The following ATXN7L3B variants were observed in gnomAD, a reference collection of about 807,000 sequenced individuals.
ATXN7L3B encodes the protein ataxin-7-like protein 3B.
ATXN7L3B carries 4 observed loss-of-function variants against 6.3 expected under a neutral mutation model. The observed-to-expected ratio is 0.63, with a 90% CI of 0.31 to 1.45. ATXN7L3B has a LOEUF of 1.45. Among genes scored for constraint, ATXN7L3B ranks in the 40% most tolerant of loss-of-function variants. ATXN7L3B has a pLI of 0.07. For missense variants in ATXN7L3B, 120 were observed against 118.5 expected, an observed-to-expected ratio of 1.01 and a Z score of -0.06; for synonymous variants, 63 against 48.0, an observed-to-expected ratio of 1.31 and a Z score of -1.29.
chr12:74,544,039 T>C lies in ATXN7L3B; in HGVS notation c.*5633T>C, dbSNP rs986042035. 2 of 152,026 alleles carry C rather than the reference T, an allele frequency of 1.3e-5. No individual in the cohort carries two copies. Among genetic ancestry groups the C allele is most frequent in the Admixed American group, 6.5e-5 (1 of 15,272 alleles). 9.4% of individuals were successfully genotyped at this position (152,026 alleles called of 1,614,324 possible). On this transcript the variant is annotated 3_prime_UTR_variant, in exon 1 of 1. Transcript: ENST00000519948. ...GACATCTACATCTACATGGATAATT[T>C]TATAGAATCTACAAACATACCATTG... is the stretch of plus-strand genomic sequence containing the variant.
Position 74,539,367 on chromosome 12 carries a change from G to T in ATXN7L3B, c.*961G>T, listed in dbSNP as rs1868820331. The T allele has an allele frequency of 2.4e-5, 4 of 167,106 alleles. No individual in the cohort carries two copies. In the South Asian group the frequency reaches 8.3e-4, roughly 35 times the overall value. The allele number at this position is 167,106 out of a possible 1,614,324, so 10.4% of individuals were successfully genotyped here. A position where few individuals can be genotyped will look rare whatever the true frequency, so the allele number is the denominator to read the frequency against. On this transcript the variant is annotated 3_prime_UTR_variant, in exon 1 of 1. Coordinates refer to ENST00000519948, the MANE Select transcript of ATXN7L3B (RefSeq NM_001136262.2). ...CAGGTCACTATCTGCCTCCCACCCT[G>T]GGGGCAGGACTGAAGTATGGAAGAG...
rs919347799 is a variant in ATXN7L3B, at chr12:74,541,271, G to A, written c.*2865G>A. 2 of 166,938 alleles carry A rather than the reference G, an allele frequency of 1.2e-5. No homozygotes were observed. The highest frequency in any genetic ancestry group is 4.8e-5 in the African/African-American group (2 of 41,382). The allele number at this position is 166,938 out of a possible 1,614,324, so 10.3% of individuals were successfully genotyped here. ...ACTGCCTGGCATTATCGCATGCTGG[G>A]ATCATCGGGGGAGGGTAGTGAAGCT... is the stretch of plus-strand genomic sequence containing the variant. On this transcript the variant is annotated 3_prime_UTR_variant, in exon 1 of 1. Coordinates refer to ENST00000519948, the MANE Select transcript of ATXN7L3B (RefSeq NM_001136262.2).
In ATXN7L3B at chr12:74,541,215, A is replaced by T. The variant is rs1009359450; in HGVS notation, c.*2809A>T. On this transcript the variant is annotated 3_prime_UTR_variant, in exon 1 of 1. Coordinates refer to ENST00000519948, the MANE Select transcript of ATXN7L3B (RefSeq NM_001136262.2). The stretch of plus-strand genomic sequence containing the variant: ...TGGTTTGTGGCTTTTTCTTCCATAC[A>T]TTAGTTCCCACCATCGCATGCCCAG... The T allele has an allele frequency of 6.0e-6, 1 of 167,110 alleles. No homozygotes were observed. Among genetic ancestry groups the T allele is most frequent in the African/African-American group, 2.4e-5 (1 of 41,364 alleles). 10.4% of individuals were successfully genotyped at this position (167,110 alleles called of 1,614,324 possible). A position where few individuals can be genotyped will look rare whatever the true frequency, so the allele number is the denominator to read the frequency against.
rs1483014913 is a variant in ATXN7L3B, at chr12:74,545,323, A to C, written c.*6917A>C. ...GCTGTACAAATAAAATAGTAAACCT[A>C]TGTTCTTATACTTTGTTGCCTTTCT... On this transcript the variant is annotated 3_prime_UTR_variant, in exon 1 of 1. Transcript: ENST00000519948. The C allele has an allele frequency of 1.3e-5, 2 of 152,122 alleles. No homozygotes were observed. Among genetic ancestry groups the C allele is most frequent in the African/African-American group, 4.8e-5 (2 of 41,452 alleles). The allele number at this position is 152,122 out of a possible 1,614,324, so 9.4% of individuals were successfully genotyped here.
Position 74,538,262 on chromosome 12 carries a change from C to T in ATXN7L3B, c.150C>T (p.Phe50=). 1 of 1,585,964 alleles carries T rather than the reference C, an allele frequency of 6.3e-7. No homozygotes were observed. Among genetic ancestry groups the T allele is most frequent in the East Asian group, 2.3e-5 (1 of 43,358 alleles). The part of the protein sequence containing the change: ...AVKCGYFYLE[F]AETGSVKDFG... ...AGTGTGGCTACTTCTACCTGGAGTT[C>T]GCAGAGACTGGTAGCGTGAAGGATT... Residue 50 remains phenylalanine, a synonymous_variant, in exon 1 of 1, where the codon TTC becomes TTT. Coordinates refer to ENST00000519948, the MANE Select transcript of ATXN7L3B (RefSeq NM_001136262.2).
Position 74,538,128 on chromosome 12 carries a change from T to C in ATXN7L3B, c.16T>C (p.Leu6=). The part of the protein sequence containing the change: MEEIS[L]ANLDTNKLEA... ...ACAAATTAAAATGGAGGAAATTTCG[T>C]TGGCCAACCTGGATACTAACAAGCT... is the stretch of plus-strand genomic sequence containing the variant. Residue 6 remains leucine, a synonymous_variant, in exon 1 of 1, where the codon TTG becomes CTG. Transcript: ENST00000519948. The C allele has an allele frequency of 6.4e-7, 1 of 1,559,640 alleles. No homozygotes were observed. Among genetic ancestry groups the C allele is most frequent in the African/African-American group, 1.4e-5 (1 of 73,358 alleles).
In ATXN7L3B at chr12:74,543,190, TACTA is replaced by T. The variant is rs1592597025; in HGVS notation, c.*4786_*4789del. 2 of 152,128 alleles carry T rather than the reference TACTA, an allele frequency of 1.3e-5. No homozygotes were observed. Among genetic ancestry groups the T allele is most frequent in the East Asian group, 3.9e-4 (2 of 5,176 alleles). The allele number at this position is 152,128 out of a possible 1,614,324, so 9.4% of individuals were successfully genotyped here. A position where few individuals can be genotyped will look rare whatever the true frequency, so the allele number is the denominator to read the frequency against. On this transcript the variant is annotated 3_prime_UTR_variant, in exon 1 of 1. Transcript: ENST00000519948. ...GGAAATATGTGAGCTAAAAAGGAAATACTAAATTGATTTTAGAGATGAAAAAAAA... is the reference window on the plus strand; with the variant it reads ...GGAAATATGTGAGCTAAAAAGGAAATAATTGATTTTAGAGATGAAAAAAAA...
rs588875 is a variant in ATXN7L3B, at chr12:74,541,769, A to G, written c.*3363A>G. On this transcript the variant is annotated 3_prime_UTR_variant, in exon 1 of 1. Coordinates refer to ENST00000519948, the MANE Select transcript of ATXN7L3B (RefSeq NM_001136262.2). ...TAGTTCCATTTGAATTGAACTCAATATATCTTAGTAAGTACATTTTACCAT... is the reference window on the plus strand; with the variant it reads ...TAGTTCCATTTGAATTGAACTCAATGTATCTTAGTAAGTACATTTTACCAT... 151,817 of 152,374 alleles carry G rather than the reference A, an allele frequency of 1. 75,636 individuals carry two copies. Among genetic ancestry groups the G allele is most frequent in the Middle Eastern group, 1 (294 of 294 alleles). 9.4% of individuals were successfully genotyped at this position (152,374 alleles called of 1,614,324 possible).
rs967243083 is a variant in ATXN7L3B at position 74,543,617 on chromosome 12, G to A, written c.*5211G>A. The A allele has an allele frequency of 6.6e-6, 1 of 151,476 alleles. No individual in the cohort carries two copies. Among genetic ancestry groups the A allele is most frequent in the African/African-American group, 2.4e-5 (1 of 41,256 alleles). 9.4% of individuals were successfully genotyped at this position (151,476 alleles called of 1,614,324 possible). ...AAAATAGATTTTTTTTTTAAATGAA[G>A]ATGTTAGCAAACCAACTCCTTTAAA... On this transcript the variant is annotated 3_prime_UTR_variant, in exon 1 of 1. Transcript: ENST00000519948.
In ATXN7L3B at chr12:74,538,337, C is replaced by T. The variant is rs1478876413; in HGVS notation, c.225C>T (p.Cys75=). The change falls in exon 1 of 1, where the codon TGC becomes TGT. Residue 75 remains cysteine (C), a synonymous_variant. Transcript: ENST00000519948. ...AAGGAGCGTGCCGCCTCCCGCTTTG[C>T]TCCCTTCCCGGAGAACCTGGGAATG... ...EDKGACRLPL[C]SLPGEPGNGP... The T allele has an allele frequency of 6.4e-7, 1 of 1,552,342 alleles. No individual in the cohort carries two copies. The highest frequency in any genetic ancestry group is 1.2e-5 in the South Asian group (1 of 84,080).
rs114983701 is a variant in ATXN7L3B, at chr12:74,542,934, G to A, written c.*4528G>A. 331 of 152,238 alleles carry A rather than the reference G, an allele frequency of 2.2e-3. No individual in the cohort carries two copies. The highest frequency in any genetic ancestry group is 7.7e-3 in the African/African-American group (321 of 41,562). 9.4% of individuals were successfully genotyped at this position (152,238 alleles called of 1,614,324 possible). Reference sequence around the variant, plus strand: ...ATTGCCAGTTTTCAAGTCAGCCAGAGATAATACCAGATTTCAGAAGTTTTA... The same window carrying A: ...ATTGCCAGTTTTCAAGTCAGCCAGAAATAATACCAGATTTCAGAAGTTTTA... On this transcript the variant is annotated 3_prime_UTR_variant, in exon 1 of 1. Transcript: ENST00000519948.
chr12:74,539,150 G>C lies in ATXN7L3B; in HGVS notation c.*744G>C. 1.2e-5 allele frequency: 2 copies of C among 167,320 alleles called. No individual in the cohort carries two copies. 10.4% of individuals were successfully genotyped at this position (167,320 alleles called of 1,614,324 possible). A position where few individuals can be genotyped will look rare whatever the true frequency, so the allele number is the denominator to read the frequency against. On this transcript the variant is annotated 3_prime_UTR_variant, in exon 1 of 1. Transcript: ENST00000519948. ...GGCAAATGGACAACTTGGTTGTCCA[G>C]ACAGGTTGAGGATTCGGTTATGATC... is the stretch of plus-strand genomic sequence containing the variant.
rs898100525 is a variant in ATXN7L3B at position 74,540,572 on chromosome 12, G to C, written c.*2166G>C. The C allele has an allele frequency of 3.1e-5, 5 of 161,578 alleles. No homozygotes were observed. The highest frequency in any genetic ancestry group is 1.3e-4 in the African/African-American group (5 of 38,000). The allele number at this position is 161,578 out of a possible 1,614,324, so 10.0% of individuals were successfully genotyped here. A position where few individuals can be genotyped will look rare whatever the true frequency, so the allele number is the denominator to read the frequency against. On this transcript the variant is annotated 3_prime_UTR_variant, in exon 1 of 1. Transcript: ENST00000519948. ...AGTTACAGATTAGTCTTAAAGAATT[G>C]CATTAACTTAAAAAAAATCAAACCT...
In ATXN7L3B at chr12:74,538,556, A is replaced by G. The variant is rs902952810; in HGVS notation, c.*150A>G. 2 of 748,694 alleles carry G rather than the reference A, an allele frequency of 2.7e-6. No homozygotes were observed. The highest frequency in any genetic ancestry group is 3.5e-5 in the African/African-American group (2 of 56,438). The allele number at this position is 748,694 out of a possible 1,614,324, so 46.4% of individuals were successfully genotyped here. The stretch of plus-strand genomic sequence containing the variant: ...CCTAGCATTTAAAAACCCAAAGTGG[A>G]TAATTTAGGAATCCTTTTTTTAAAG... On this transcript the variant is annotated 3_prime_UTR_variant, in exon 1 of 1. Transcript: ENST00000519948.
chr12:74,543,494 A>G lies in ATXN7L3B; in HGVS notation c.*5088A>G, dbSNP rs990981312. 1 of 152,034 alleles carries G rather than the reference A, an allele frequency of 6.6e-6. No individual in the cohort carries two copies. Among genetic ancestry groups the G allele is most frequent in the Admixed American group, 6.6e-5 (1 of 15,078 alleles). 9.4% of individuals were successfully genotyped at this position (152,034 alleles called of 1,614,324 possible). A position where few individuals can be genotyped will look rare whatever the true frequency, so the allele number is the denominator to read the frequency against. ...AAGGAATTGTTAATTTTTTAAGTAA[A>G]TGAATACATCTATAACTTTTAAAAC... is the stretch of plus-strand genomic sequence containing the variant. On this transcript the variant is annotated 3_prime_UTR_variant, in exon 1 of 1. Coordinates refer to ENST00000519948, the MANE Select transcript of ATXN7L3B (RefSeq NM_001136262.2).
At position 74,541,283 on chromosome 12, in the gene ATXN7L3B, A is replaced by G; in HGVS notation, c.*2877A>G. The G allele has an allele frequency of 6.0e-6, 1 of 166,688 alleles. No homozygotes were observed. 10.3% of individuals were successfully genotyped at this position (166,688 alleles called of 1,614,324 possible). On this transcript the variant is annotated 3_prime_UTR_variant, in exon 1 of 1. Transcript: ENST00000519948. ...TATCGCATGCTGGGATCATCGGGGGAGGGTAGTGAAGCTCACCACTGTCCT... is the reference window on the plus strand; with the variant it reads ...TATCGCATGCTGGGATCATCGGGGGGGGGTAGTGAAGCTCACCACTGTCCT...
Position 74,541,846 on chromosome 12 carries a change from C to T in ATXN7L3B, c.*3440C>T, listed in dbSNP as rs886436542. On this transcript the variant is annotated 3_prime_UTR_variant, in exon 1 of 1. Coordinates refer to ENST00000519948, the MANE Select transcript of ATXN7L3B (RefSeq NM_001136262.2). ...AAAAGGTAAAGTGATTCACAGCAGA[C>T]GATGGTTCTGCCTAATTTTTTTCTC... 1.3e-5 allele frequency: 2 copies of T among 152,172 alleles called. No homozygotes were observed. Among genetic ancestry groups the T allele is most frequent in the African/African-American group, 2.4e-5 (1 of 41,414 alleles). 9.4% of individuals were successfully genotyped at this position (152,172 alleles called of 1,614,324 possible). A position where few individuals can be genotyped will look rare whatever the true frequency, so the allele number is the denominator to read the frequency against.
chr12:74,538,211 C>T lies in ATXN7L3B; in HGVS notation c.99C>T (p.Phe33=). The T allele has an allele frequency of 6.2e-7, 1 of 1,604,612 alleles. No homozygotes were observed. The highest frequency in any genetic ancestry group is 1.1e-5 in the South Asian group (1 of 89,126). The part of the protein sequence containing the change: ...VDLIEDSCLG[F]CFEVHRAVKC... ...TGATAGAGGATTCTTGTTTGGGATTCTGCTTTGAGGTGCACCGGGCAGTCA... is the reference window on the plus strand; with the variant it reads ...TGATAGAGGATTCTTGTTTGGGATTTTGCTTTGAGGTGCACCGGGCAGTCA... Residue 33 remains phenylalanine (F), a synonymous_variant, in exon 1 of 1, where the codon TTC becomes TTT. Transcript: ENST00000519948.
Position 74,543,076 on chromosome 12 carries a change from G to A in ATXN7L3B, c.*4670G>A, listed in dbSNP as rs1868937518. On this transcript the variant is annotated 3_prime_UTR_variant, in exon 1 of 1. Coordinates refer to ENST00000519948, the MANE Select transcript of ATXN7L3B (RefSeq NM_001136262.2). The stretch of plus-strand genomic sequence containing the variant: ...TGTTCCTATTCAAAAAGGTTTTGTG[G>A]ATAAACCTTAAACTCTTGGCGGTGT... The A allele has an allele frequency of 6.6e-6, 1 of 152,014 alleles. No individual in the cohort carries two copies. Among genetic ancestry groups the A allele is most frequent in the Non-Finnish European group, 1.5e-5 (1 of 67,956 alleles). 9.4% of individuals were successfully genotyped at this position (152,014 alleles called of 1,614,324 possible). A position where few individuals can be genotyped will look rare whatever the true frequency, so the allele number is the denominator to read the frequency against.
Sources: gnomAD v4.1 joint callset for allele counts on GRCh38, gnomAD v4.1.1 for gene constraint, MANE v1.5 for transcripts, NCBI Gene and HGNC (gene_info 2026-07-23, HGNC 2026-07-21) for gene names.